ARHGAP31: variants seen among roughly 807,000 people sequenced by gnomAD.
ARHGAP31 encodes rho GTPase-activating protein 31.
In ARHGAP31, 34 loss-of-function variants were observed where a neutral mutation model predicts 113.9. The observed-to-expected ratio is 0.30, with a 90% CI of 0.23 to 0.40. The LOEUF (loss-of-function observed/expected upper bound fraction) is 0.40, where lower values mean the gene tolerates loss of function less well. ARHGAP31 is among the 10% of genes least tolerant of loss of function. The pLI is 1.00. For synonymous variants in ARHGAP31, 650 were observed against 684.8 expected, an observed-to-expected ratio of 0.95 and a Z score of 0.79; for missense variants, 1,548 against 1,767.1, an observed-to-expected ratio of 0.88 and a Z score of 2.22.
rs767442270 is a variant in ARHGAP31 at position 119,390,931 on chromosome 3, G to T, written c.829G>T (p.Val277Phe). 34 of 1,614,040 alleles carry T rather than the reference G, an allele frequency of 2.1e-5. No homozygotes were observed. The highest frequency in any genetic ancestry group is 1.9e-5 in the Non-Finnish European group (23 of 1,180,046). ...GAGGGAGAACAGCCTGCCTGAGATTGTCCCTCCCATGGGCACCCTCTTCCA... is the reference window on the plus strand; with the variant it reads ...GAGGGAGAACAGCCTGCCTGAGATTTTCCCTCCCATGGGCACCCTCTTCCA... ...ERRENSLPEIVPPMGTLFHTV... is the reference protein window; with the variant it reads ...ERRENSLPEIFPPMGTLFHTV... Residue 277 changes from valine (V) to phenylalanine (F), a missense_variant, in exon 7 of 12, where the codon GTC (valine) becomes TTC (phenylalanine). Transcript: ENST00000264245.
chr3:119,299,340 A>G (rs1311753766), intron 1 of ARHGAP31, among the ~76,000 whole-genome samples: 1 of 152,248 alleles, frequency 6.6e-6, no homozygotes, highest in Admixed American at 6.5e-5. Context: ...AAGAACCGTC[A>G]GCCTTTTTAT....
intron 1 of ARHGAP31, among the ~76,000 whole-genome samples, chr3:119,299,216 T>A (rs1326497042): frequency 6.6e-6 from 1 of 152,254 alleles, no homozygotes; most frequent in Non-Finnish European, 1.5e-5. Context: ...AATCAGAATC[T>A]TTTTTAGAAC....
intron 8 of ARHGAP31, 23 bp from the exon 9 acceptor site, chr3:119,399,176 G>C (rs199940037): frequency 3.1e-6 from 5 of 1,607,810 alleles, no homozygotes; most frequent in Non-Finnish European, 3.4e-6. Context: ...ATTCATCAAG[G>C]ATATTTTTTC....
At chr3:119,340,417 C>T (rs1262667270) in intron 1 of ARHGAP31, among the ~76,000 whole-genome samples, 3 of 152,354 alleles carry the variant, frequency 2.0e-5, no homozygotes, top group South Asian at 2.1e-4. Context: ...GATCCACAAA[C>T]GTCTCCAGAG....
chr3:119,415,570 A>T lies in ARHGAP31; in HGVS notation c.3641A>T (p.Gln1214Leu), dbSNP rs1429501904. ...PPKIQYTQIPQPLPSQSSGEN... is the reference protein window; with the variant it reads ...PPKIQYTQIPLPLPSQSSGEN... ...AAGATTCAGTACACCCAGATCCCACAGCCCCTGCCCTCTCAGAGCTCAGGG... is the reference window on the plus strand; with the variant it reads ...AAGATTCAGTACACCCAGATCCCACTGCCCCTGCCCTCTCAGAGCTCAGGG... Residue 1214 changes from glutamine to leucine, a missense_variant, in exon 12 of 12, where the codon CAG becomes CTG. Transcript: ENST00000264245. 6.2e-7 allele frequency: 1 copy of T among 1,614,158 alleles called. No homozygotes were observed. The highest frequency in any genetic ancestry group is 8.5e-7 in the Non-Finnish European group (1 of 1,180,024).
intron 1 of ARHGAP31, among the ~76,000 whole-genome samples, chr3:119,334,668 G>T (rs2079926922): frequency 6.6e-6 from 1 of 152,204 alleles, no homozygotes; most frequent in African/African-American, 2.4e-5. Context: ...TATGTTCCAG[G>T]TTGTAGTCAA....
intron 3 of ARHGAP31, among the ~76,000 whole-genome samples, chr3:119,374,151 G>A (rs1203437611): frequency 6.6e-6 from 1 of 152,202 alleles, no homozygotes; most frequent in African/African-American, 2.4e-5. Context: ...AATCTCTAAT[G>A]TTGGAGGTAG....
chr3:119,412,314 G>T (rs1172412103), intron 11 of ARHGAP31, among the ~76,000 whole-genome samples: 1 of 152,032 alleles, frequency 6.6e-6, no homozygotes, highest in South Asian at 2.1e-4. Flanking sequence ...CTTGAACCCG[G>T]GAGGAGGAGG....
Position 119,415,057 on chromosome 3 carries a change from G to C in ARHGAP31, c.3128G>C (p.Gly1043Ala). 4 of 1,614,190 alleles carry C rather than the reference G, an allele frequency of 2.5e-6. No homozygotes were observed. The highest frequency in any genetic ancestry group is 3.4e-6 in the Non-Finnish European group (4 of 1,180,030). The stretch of plus-strand genomic sequence containing the variant: ...ACCAGCCCCATCAGCCTAGCAGAGG[G>C]AAAGGAGCTAGGGACACACCTGGGG... ...AETSPISLAEGKELGTHLGHS... is the reference protein window; with the variant it reads ...AETSPISLAEAKELGTHLGHS... Residue 1043 changes from glycine to alanine, a missense_variant, in exon 12 of 12, where the codon GGA (glycine) becomes GCA (alanine). By Grantham distance (60) the Gly-to-Ala change is moderately conservative (BLOSUM62 0). Transcript: ENST00000264245.
intron 1 of ARHGAP31, among the ~76,000 whole-genome samples, chr3:119,298,127 A>C (rs1576981515): frequency 6.6e-6 from 1 of 152,134 alleles, no homozygotes; most frequent in East Asian, 1.9e-4. Flanking sequence ...AAGAACACTC[A>C]AGAATGGCAT....
At chr3:119,409,399 C>A in intron 10 of ARHGAP31, 97 bp from the exon 11 acceptor site, 1 of 1,448,412 alleles carries the variant, frequency 6.9e-7, no homozygotes, top group Non-Finnish European at 9.6e-7. Context: ...CTCCATCCTT[C>A]TGAAACAGGG....
chr3:119,408,250 T>C (rs1169655884), intron 10 of ARHGAP31, among the ~76,000 whole-genome samples: 4 of 152,224 alleles, frequency 2.6e-5, no homozygotes, highest in Non-Finnish European at 5.9e-5. Flanking sequence ...GTTTTAACTT[T>C]TGAACTCTGT....
intron 9 of ARHGAP31, 79 bp from the exon 10 acceptor site, chr3:119,401,743 G>C: frequency 7.5e-7 from 1 of 1,336,736 alleles, no homozygotes; most frequent in East Asian, 2.4e-5. Flanking sequence ...TTCAAATGTC[G>C]TGTGCCTGCC....
chr3:119,374,111 T>G (rs1271937967), intron 3 of ARHGAP31, among the ~76,000 whole-genome samples: 1 of 152,234 alleles, frequency 6.6e-6, no homozygotes, highest in African/African-American at 2.4e-5. Context: ...GTTTGGAGGC[T>G]TGTCCCCTCT....
intron 1 of ARHGAP31, among the ~76,000 whole-genome samples, chr3:119,336,160 A>C (rs1470332284): frequency 2.6e-5 from 4 of 152,230 alleles, no homozygotes; most frequent in African/African-American, 9.7e-5. Flanking sequence ...GGGTGACAAG[A>C]GTGAAACTTG....
chr3:119,402,071 A>T lies in ARHGAP31; in HGVS notation c.1319A>T (p.Asp440Val), dbSNP rs767209322. 6.2e-7 allele frequency: 1 copy of T among 1,614,174 alleles called. No individual in the cohort carries two copies. Among genetic ancestry groups the T allele is most frequent in the Non-Finnish European group, 8.5e-7 (1 of 1,180,030 alleles). ...CTGAAGGTTTTCCGGCCTGTTGAGG[A>T]TCCGGAGAGCGAGCAAACAGCCCCA... Reference protein sequence around the residue: ...EQLKVFRPVEDPESEQTAPKM... With the variant: ...EQLKVFRPVEVPESEQTAPKM... Residue 440 changes from aspartate to valine, a missense_variant, in exon 10 of 12, where the codon GAT becomes GTT. By Grantham distance (152) the Asp-to-Val change is radical. Transcript: ENST00000264245.
At chr3:119,367,906 T>G (rs1304176334) in intron 2 of ARHGAP31, among the ~76,000 whole-genome samples, 1 of 151,436 alleles carries the variant, frequency 6.6e-6, no homozygotes, top group African/African-American at 2.4e-5. Flanking sequence ...TTCTCAAGCT[T>G]TGGGTTTGAG....
intron 10 of ARHGAP31, among the ~76,000 whole-genome samples, chr3:119,406,500 C>T (rs976239253): frequency 2.6e-5 from 4 of 152,186 alleles, no homozygotes; most frequent in Admixed American, 6.5e-5. Flanking sequence ...CCCAAATGCC[C>T]CGCTTTAGGG....
At chr3:119,347,216 G>T (rs7644106) in intron 1 of ARHGAP31, among the ~76,000 whole-genome samples, 37 of 152,280 alleles carry the variant, frequency 2.4e-4, no homozygotes, top group African/African-American at 7.2e-4. Context: ...ATTCCTCTAT[G>T]TATGTGCTCT....
Sources: gnomAD v4.1 joint callset for allele counts (sites outside exome capture counted in the v4.1 genomes callset) on GRCh38, gnomAD v4.1.1 for gene constraint, MANE v1.5 for transcripts, NCBI Gene and HGNC (gene_info 2026-07-23, HGNC 2026-07-21) for gene names.